YTHDC1: variants seen among roughly 807,000 people sequenced by gnomAD.
The protein encoded by YTHDC1 is YTH domain-containing protein 1.
Under a neutral mutation model 107.0 loss-of-function variants are expected in YTHDC1, and 12 were observed. The observed-to-expected ratio is 0.11, with a 90% CI of 0.07 to 0.18. The LOEUF (loss-of-function observed/expected upper bound fraction) is 0.18. Among genes scored for constraint, YTHDC1 ranks in the 10% least tolerant of loss-of-function variants. The probability of loss-of-function intolerance (pLI) is 1.00; values close to 1 mark genes in which losing one functional copy is unlikely to be tolerated. For missense variants in YTHDC1, 635 were observed against 898.8 expected (o/e 0.71, Z 3.75); for synonymous variants, 280 against 289.5 (o/e 0.97, Z 0.33).
rs1324584949 is a variant in YTHDC1, at chr4:68,349,801, G to A, written c.-48C>T. 2 of 1,610,800 alleles carry A rather than the reference G, an allele frequency of 1.2e-6. No homozygotes were observed. Among genetic ancestry groups the A allele is most frequent in the Admixed American group, 1.7e-5 (1 of 59,888 alleles). On this transcript the variant is annotated 5_prime_UTR_variant, in exon 1 of 17. Transcript: ENST00000344157. The stretch of plus-strand genomic sequence containing the variant: ...CTGCCACCGCCGCCGCCGCTTAGAC[G>A]CGACTCGCGCGGGCGCCGCAGCCGC...
intron 1 of YTHDC1, among the ~76,000 whole-genome samples, chr4:68,346,430 A>G (rs770357017): frequency 3.9e-5 from 6 of 152,038 alleles, no homozygotes; most frequent in Non-Finnish European, 8.8e-5. Context: ...CACTTATCCA[A>G]GGTTTTGCTT....
At chr4:68,328,582 TAA>T (rs1723237727) in intron 9 of YTHDC1, among the ~76,000 whole-genome samples, 1 of 152,212 alleles carries the variant, frequency 6.6e-6, no homozygotes, top group African/African-American at 2.4e-5. Flanking sequence ...CACATATATT[TAA>T]GAGACAAACT....
chr4:68,324,198 C>T lies in YTHDC1; in HGVS notation c.1375G>A (p.Ala459Thr). The part of the protein sequence containing the change: ...CRRELPFTKS[A>T]HLTNPWNEHK... ...TCATTCCAAGGATTGGTGAGATGAG[C>T]CGACTTAGTGAAGGGTAATTCACGC... The change falls in exon 10 of 17, where the codon GCT becomes ACT. Residue 459 changes from alanine to threonine, a missense_variant. Coordinates refer to ENST00000344157, the MANE Select transcript of YTHDC1 (RefSeq NM_001031732.4). The T allele has an allele frequency of 6.2e-7, 1 of 1,613,832 alleles. No homozygotes were observed. Among genetic ancestry groups the T allele is most frequent in the Non-Finnish European group, 8.5e-7 (1 of 1,179,830 alleles).
In YTHDC1 at chr4:68,313,249, A is replaced by C. The variant is rs951862543; in HGVS notation, c.*850T>G. 2 of 152,440 alleles carry C rather than the reference A, an allele frequency of 1.3e-5. No homozygotes were observed. Among genetic ancestry groups the C allele is most frequent in the Non-Finnish European group, 2.9e-5 (2 of 68,044 alleles). The allele number at this position is 152,440 out of a possible 1,614,324, so 9.4% of individuals were successfully genotyped here. A position where few individuals can be genotyped will look rare whatever the true frequency, so the allele number is the denominator to read the frequency against. ...GGGTTCCTAAAATTCCTGAACAAAA[A>C]GCATGCTTTTATGTCCATTATTGCA... is the stretch of plus-strand genomic sequence containing the variant. On this transcript the variant is annotated 3_prime_UTR_variant, in exon 17 of 17. Transcript: ENST00000344157.
At chr4:68,348,725 G>A (rs1725722430) in intron 1 of YTHDC1, among the ~76,000 whole-genome samples, 1 of 152,062 alleles carries the variant, frequency 6.6e-6, no homozygotes, top group South Asian at 2.1e-4. Context: ...CTTGACTCTA[G>A]AGCCCACTTA....
intron 16 of YTHDC1, 132 bp from the exon 17 acceptor site, chr4:68,314,455 G>A: frequency 4.2e-6 from 3 of 718,846 alleles, no homozygotes. Context: ...ATTATAATCG[G>A]CGGAGAGAAC....
At chr4:68,323,507 C>T (rs182140032) in intron 10 of YTHDC1, among the ~76,000 whole-genome samples, 10 of 152,214 alleles carry the variant, frequency 6.6e-5, no homozygotes, top group South Asian at 2.1e-4. Context: ...GCAGGCGGAT[C>T]GCTTGAGGCC....
chr4:68,314,880 A>G (rs1205633097), intron 16 of YTHDC1, among the ~76,000 whole-genome samples: 1 of 152,198 alleles, frequency 6.6e-6, no homozygotes, highest in Non-Finnish European at 1.5e-5. Flanking sequence ...TCTAGTTTAA[A>G]CTTTCTACTC....
intron 16 of YTHDC1, 29 bp downstream of exon 16, chr4:68,316,285 C>G: frequency 6.3e-7 from 1 of 1,599,198 alleles, no homozygotes; most frequent in South Asian, 1.1e-5. Flanking sequence ...AAGTAGTTCC[C>G]TCACACCTTT....
chr4:68,341,377 T>TA (rs1724785694), intron 1 of YTHDC1, among the ~76,000 whole-genome samples: 1 of 152,156 alleles, frequency 6.6e-6, no homozygotes, highest in African/African-American at 2.4e-5. Context: ...TTACAACATT[T>TA]AAAATCTACT....
chr4:68,317,571 C>G (rs988398890), intron 15 of YTHDC1, among the ~76,000 whole-genome samples: 1 of 152,148 alleles, frequency 6.6e-6, no homozygotes, highest in Non-Finnish European at 1.5e-5. Flanking sequence ...TTAAAATATA[C>G]TCTAAGACAA....
At position 68,329,988 on chromosome 4, in the gene YTHDC1, A is replaced by C; in HGVS notation, c.1349+14T>G. ...TCAAAATTTCAGTTATCTATACTGA[A>C]GTGTATAATTTACCTGCAAATCCAG... On this transcript the variant is annotated intron_variant, in intron 9 of 16. Coordinates refer to ENST00000344157, the MANE Select transcript of YTHDC1 (RefSeq NM_001031732.4). The C allele has an allele frequency of 6.3e-7, 1 of 1,585,666 alleles. No individual in the cohort carries two copies. Among genetic ancestry groups the C allele is most frequent in the Non-Finnish European group, 8.7e-7 (1 of 1,154,594 alleles).
At chr4:68,338,054 A>C (rs1412338635) in intron 2 of YTHDC1, 154 bp from the exon 3 acceptor site, 4 of 979,846 alleles carry the variant, frequency 4.1e-6, no homozygotes, top group Admixed American at 6.2e-5. Flanking sequence ...AGTTAATCTA[A>C]AAGAAAACAT....
intron 1 of YTHDC1, among the ~76,000 whole-genome samples, chr4:68,338,751 C>A (rs1724500704): frequency 6.6e-6 from 1 of 152,142 alleles, no homozygotes; most frequent in Non-Finnish European, 1.5e-5. Flanking sequence ...TCAGAAGGCT[C>A]AGGGACAAGA....
chr4:68,329,909 T>C, intron 9 of YTHDC1, 93 bp downstream of exon 9: 2 of 902,254 alleles, frequency 2.2e-6, no homozygotes, highest in Non-Finnish European at 3.6e-6. Flanking sequence ...CAAGGTAAGA[T>C]AAGTATACAG....
At position 68,311,018 on chromosome 4, in the gene YTHDC1, T is replaced by C. The variant is rs1721266578; in HGVS notation, c.*3081A>G. The C allele has an allele frequency of 6.6e-6, 1 of 152,248 alleles. No homozygotes were observed. Among genetic ancestry groups the C allele is most frequent in the African/African-American group, 2.4e-5 (1 of 41,476 alleles). The allele number at this position is 152,248 out of a possible 1,614,324, so 9.4% of individuals were successfully genotyped here. On this transcript the variant is annotated 3_prime_UTR_variant, in exon 17 of 17. Coordinates refer to ENST00000344157, the MANE Select transcript of YTHDC1 (RefSeq NM_001031732.4). ...TAATGGACATCTGCTAAATTTCCTC[T>C]GTCCATGTCTTTTGGAGACTGTCCT...
At chr4:68,346,581 C>A (rs1271304899) in intron 1 of YTHDC1, among the ~76,000 whole-genome samples, 1 of 152,122 alleles carries the variant, frequency 6.6e-6, no homozygotes, top group Non-Finnish European at 1.5e-5. Context: ...CTCTGTCCTG[C>A]CTGGAAAATG....
chr4:68,346,099 A>ATATATATG (rs961023477), intron 1 of YTHDC1, among the ~76,000 whole-genome samples: 5 of 141,476 alleles, frequency 3.5e-5, no homozygotes, highest in Non-Finnish European at 7.6e-5. Flanking sequence ...ATATATATAT[A>ATATATATG]TACACACACA....
chr4:68,342,591 T>G (rs2319887), intron 1 of YTHDC1, among the ~76,000 whole-genome samples: 124,611 of 152,126 alleles, frequency 0.82, 51,399 homozygotes, highest in East Asian at 0.97. Flanking sequence ...AATTATATAC[T>G]TGAGGTGCAT....
Sources: gnomAD v4.1 joint callset for allele counts (sites outside exome capture counted in the v4.1 genomes callset) on GRCh38, gnomAD v4.1.1 for gene constraint, MANE v1.5 for transcripts, NCBI Gene and HGNC (gene_info 2026-07-23, HGNC 2026-07-21) for gene names.